Variants in EYA2 observed in about 807,000 individuals in gnomAD.
EYA2 encodes the protein protein phosphatase EYA2.
Under a neutral mutation model 69.2 loss-of-function variants are expected in EYA2, and 31 were observed. That is an observed-to-expected ratio of 0.45 (90% CI 0.34 to 0.60). EYA2 has a LOEUF of 0.60. Ranked by LOEUF, EYA2 falls within the 20% of genes least tolerant of loss-of-function variation. EYA2 has a pLI of 0.02. For synonymous variants in EYA2, 257 were observed against 279.4 expected (o/e 0.92, Z 0.80); for missense variants, 622 against 701.2 (o/e 0.89, Z 1.28).
At chr20:47,000,264 T>G (rs549324327) in intron 2 of EYA2, among the ~76,000 whole-genome samples, 28 of 152,390 alleles carry the variant, frequency 1.8e-4, no homozygotes, top group African/African-American at 6.7e-4. Flanking sequence ...TCATCTCATT[T>G]AATCCTTTCC....
intron 5 of EYA2, among the ~76,000 whole-genome samples, chr20:47,016,973 G>A (rs1402911967): frequency 2.0e-5 from 3 of 152,174 alleles, no homozygotes; most frequent in Admixed American, 6.5e-5. Flanking sequence ...TTGGACAGTC[G>A]GGTGAAGAAG....
chr20:47,113,081 C>T (rs1161453854), intron 9 of EYA2, among the ~76,000 whole-genome samples: 1 of 151,704 alleles, frequency 6.6e-6, no homozygotes, highest in African/African-American at 2.4e-5. Context: ...CCATGTTGAC[C>T]GGGCTGGTCT....
intron 6 of EYA2, 66 bp downstream of exon 6, chr20:47,072,318 C>A: frequency 6.8e-7 from 1 of 1,469,604 alleles, no homozygotes; most frequent in Non-Finnish European, 9.4e-7. Flanking sequence ...TACATCAGGG[C>A]ACCCAGAGAG....
At chr20:46,953,738 G>A (rs1441517857) in intron 1 of EYA2, among the ~76,000 whole-genome samples, 1 of 152,170 alleles carries the variant, frequency 6.6e-6, no homozygotes, top group Non-Finnish European at 1.5e-5. Flanking sequence ...CTGCCATTCA[G>A]AACCACCAGC....
At chr20:46,964,088 G>A (rs1459088692) in intron 1 of EYA2, among the ~76,000 whole-genome samples, 1 of 152,232 alleles carries the variant, frequency 6.6e-6, no homozygotes, top group African/African-American at 2.4e-5. Context: ...TGTTGCACAT[G>A]AGGTCAGTGT....
chr20:47,072,003 C>T, intron 5 of EYA2, 182 bp from the exon 6 acceptor site: 1 of 640,014 alleles, frequency 1.6e-6, no homozygotes, highest in Non-Finnish European at 2.8e-6. Flanking sequence ...TTAGTGTCAA[C>T]AAGTCTCACC....
intron 9 of EYA2, among the ~76,000 whole-genome samples, chr20:47,102,493 T>C (rs1054704199): frequency 2.0e-5 from 3 of 152,232 alleles, no homozygotes; most frequent in African/African-American, 7.2e-5. Flanking sequence ...ACTTTGCTTG[T>C]GGCCATCATG....
At chr20:46,908,584 T>C (rs1425349892) in intron 1 of EYA2, among the ~76,000 whole-genome samples, 2 of 152,218 alleles carry the variant, frequency 1.3e-5, no homozygotes, top group African/African-American at 4.8e-5. Context: ...AATCAATGAC[T>C]GCAACCGCAG....
At chr20:46,921,531 A>G (rs1045239032) in intron 1 of EYA2, among the ~76,000 whole-genome samples, 4 of 152,332 alleles carry the variant, frequency 2.6e-5, no homozygotes, top group Non-Finnish European at 4.4e-5. Flanking sequence ...CCCCATGGGC[A>G]GTCACAACAT....
rs144772060 is a variant in EYA2, at chr20:47,034,307, G to A, written c.415+18010G>A. 9.9e-4 allele frequency among the ~76,000 whole-genome samples: 150 copies of A among 152,248 alleles called. 1 individual carries two copies. The highest frequency in any genetic ancestry group is 3.3e-3 in the African/African-American group (136 of 41,540). On this transcript the variant is annotated intron_variant, in intron 5 of 15. Coordinates refer to ENST00000327619, the MANE Select transcript of EYA2 (RefSeq NM_005244.5). ...AAGTAAAAACAGTGAATGATTATACGGATAGGGCTTAGGACACAGGTAAGT... is the reference window on the plus strand; with the variant it reads ...AAGTAAAAACAGTGAATGATTATACAGATAGGGCTTAGGACACAGGTAAGT...
intron 5 of EYA2, among the ~76,000 whole-genome samples, chr20:47,028,047 G>T (rs1274642652): frequency 3.9e-5 from 6 of 152,056 alleles, no homozygotes; most frequent in African/African-American, 1.4e-4. Flanking sequence ...AGGTCATGAG[G>T]GTGGGGTCTT....
At position 47,054,352 on chromosome 20, in the gene EYA2, C is replaced by T. The variant is rs576077599; in HGVS notation, c.416-17833C>T. On this transcript the variant is annotated intron_variant, in intron 5 of 15. Transcript: ENST00000327619. ...CTAAGGAAATAGATCACGTCTCATT[C>T]ATCGCAGTTTCCCCTGAAATTCATA... Among the ~76,000 whole-genome samples the T allele has an allele frequency of 4.1e-3, 620 of 152,332 alleles. 4 individuals carry two copies. Among genetic ancestry groups the T allele is most frequent in the Non-Finnish European group, 6.3e-3 (429 of 68,030 alleles).
chr20:47,066,132 G>T (rs916883678), intron 5 of EYA2, among the ~76,000 whole-genome samples: 2 of 152,126 alleles, frequency 1.3e-5, no homozygotes, highest in African/African-American at 4.8e-5. Context: ...TTGAGCCCAG[G>T]AGTTCAACAC....
At chr20:47,167,150 T>A (rs2034215321) in intron 10 of EYA2, 1 of 154,678 alleles carries the variant, frequency 6.5e-6, no homozygotes, top group Non-Finnish European at 1.5e-5. Context: ...TCACTTAATC[T>A]GAAAAGTGGG....
intron 5 of EYA2, among the ~76,000 whole-genome samples, chr20:47,023,994 T>A (rs1983934274): frequency 6.6e-6 from 1 of 152,202 alleles, no homozygotes; most frequent in Non-Finnish European, 1.5e-5. Flanking sequence ...TTCTTCTGGC[T>A]TCTTGAACAG....
At position 47,016,128 on chromosome 20, in the gene EYA2, C is replaced by T. The variant is rs570725372; in HGVS notation, c.299-53C>T. 87 of 1,292,900 alleles carry T rather than the reference C, an allele frequency of 6.7e-5. 2 individuals are homozygous for T. The African/African-American group carries it at 7.6e-4, about 11-fold the overall frequency. The allele number at this position is 1,292,900 out of a possible 1,614,324, so 80.1% of individuals were successfully genotyped here. ...GTAGCTCTTTTGTGGGTGACAAGGA[C>T]GCATCCTAATCATGTGTCCTTGGTC... On this transcript the variant is annotated intron_variant, in intron 4 of 15. Transcript: ENST00000327619.
At chr20:47,039,876 C>T (rs376796090) in intron 5 of EYA2, among the ~76,000 whole-genome samples, 3 of 120,614 alleles carry the variant, frequency 2.5e-5, no homozygotes, top group African/African-American at 3.3e-5. Context: ...AGTCTTGCTC[C>T]GTCACCCAGG....
chr20:46,929,959 G>A (rs764075191), intron 1 of EYA2, among the ~76,000 whole-genome samples: 14 of 152,188 alleles, frequency 9.2e-5, no homozygotes, highest in Non-Finnish European at 1.9e-4. Context: ...GAAATATTGG[G>A]ATTAGATAAT....
chr20:47,113,097 C>T (rs935888678), intron 9 of EYA2, among the ~76,000 whole-genome samples: 16 of 151,688 alleles, frequency 1.1e-4, no homozygotes, highest in African/African-American at 3.6e-4. Context: ...GGTCTTGAAC[C>T]CCCGACCTCA....
Sources: gnomAD v4.1 joint callset for allele counts (sites outside exome capture counted in the v4.1 genomes callset) on GRCh38, gnomAD v4.1.1 for gene constraint, MANE v1.5 for transcripts, NCBI Gene and HGNC (gene_info 2026-07-23, HGNC 2026-07-21) for gene names.